The following SDK1 variants were observed in gnomAD, a reference collection of about 807,000 sequenced individuals.
SDK1 encodes sidekick cell adhesion molecule 1.
SDK1 carries 157 observed loss-of-function variants against 245.5 expected under a neutral mutation model. The observed-to-expected ratio is 0.64, with a 90% CI of 0.56 to 0.73. SDK1 has a LOEUF of 0.73. Ranked by LOEUF, SDK1 falls within the 30% of genes least tolerant of loss-of-function variation. The pLI is 0.00. For missense variants in SDK1, 3,583 were observed against 3,002.3 expected, an observed-to-expected ratio of 1.19 and a Z score of -4.52; for synonymous variants, 1,647 against 1,278.5, an observed-to-expected ratio of 1.29 and a Z score of -6.15.
intron 1 of SDK1, among the ~76,000 whole-genome samples, chr7:3,542,421 C>A (rs1779079096): frequency 6.6e-6 from 1 of 152,114 alleles, no homozygotes; most frequent in African/African-American, 2.4e-5. Context: ...GCTGGTGTGG[C>A]CTTTTCTCCC....
At chr7:4,088,940 T>C (rs1781603340) in intron 22 of SDK1, among the ~76,000 whole-genome samples, 1 of 147,538 alleles carries the variant, frequency 6.8e-6, no homozygotes, top group Admixed American at 6.7e-5. Flanking sequence ...GTGAGACCCT[T>C]GTGGGCATCT....
intron 11 of SDK1, among the ~76,000 whole-genome samples, chr7:3,969,881 G>T (rs952884184): frequency 6.6e-6 from 1 of 152,062 alleles, no homozygotes; most frequent in African/African-American, 2.4e-5. Flanking sequence ...AAAATCTTCC[G>T]CTTTTGCTAA....
intron 1 of SDK1, among the ~76,000 whole-genome samples, chr7:3,365,288 C>G (rs1199853059): frequency 2.6e-5 from 4 of 152,126 alleles, no homozygotes; most frequent in African/African-American, 9.7e-5. Flanking sequence ...CACTTTTCAT[C>G]TTGTGCTTTT....
rs1178326754 is a variant in SDK1, at chr7:4,233,245, C to T, written c.5828-10C>T. On this transcript the variant is annotated splice_polypyrimidine_tract_variant and intron_variant, in intron 40 of 44. Transcript: ENST00000404826. ...TAACCTCTGCTCTCGCCTCCCCATC[C>T]CTCTTGCAGATGAAGGCTTATGGGA... The T allele has an allele frequency of 2.5e-6, 4 of 1,609,280 alleles. No individual in the cohort carries two copies. The African/African-American group carries it at 5.3e-5, about 21-fold the overall frequency.
chr7:3,977,877 T>G (rs1454709053), intron 13 of SDK1, among the ~76,000 whole-genome samples: 1 of 152,248 alleles, frequency 6.6e-6, no homozygotes, highest in Non-Finnish European at 1.5e-5. Context: ...CATGAAGGAA[T>G]GAATGAATGT....
chr7:3,366,917 T>G lies in SDK1; in HGVS notation c.298+65033T>G, dbSNP rs113359190. Among the ~76,000 whole-genome samples, 906 of 152,038 alleles carry G rather than the reference T, an allele frequency of 6.0e-3. 10 individuals carry two copies. The highest frequency in any genetic ancestry group is 0.021 in the African/African-American group (871 of 41,502). ...CCACCATGCCCAGCTAATTTTTGTA[T>G]TTTTAGTAGAGACAGGGTTTTACCA... On this transcript the variant is annotated intron_variant, in intron 1 of 44. Transcript: ENST00000404826.
intron 1 of SDK1, among the ~76,000 whole-genome samples, chr7:3,363,728 G>C (rs187722577): frequency 6.6e-6 from 1 of 152,288 alleles, no homozygotes; most frequent in African/African-American, 2.4e-5. Flanking sequence ...GCTCCTATGA[G>C]AATCTAATGC....
intron 13 of SDK1, among the ~76,000 whole-genome samples, chr7:3,980,819 G>C (rs1049632731): frequency 3.3e-5 from 5 of 152,088 alleles, no homozygotes; most frequent in Non-Finnish European, 7.3e-5. Flanking sequence ...TTGGGCACCT[G>C]TAATCCCAGC....
chr7:4,241,078 A>T (rs1786488376), intron 42 of SDK1, among the ~76,000 whole-genome samples: 1 of 152,068 alleles, frequency 6.6e-6, no homozygotes, highest in Non-Finnish European at 1.5e-5. Context: ...TGATCTGTTA[A>T]TATATTTTAG....
chr7:3,419,143 A>G (rs1050454965), intron 1 of SDK1, among the ~76,000 whole-genome samples: 4 of 152,218 alleles, frequency 2.6e-5, no homozygotes, highest in Non-Finnish European at 4.4e-5. Context: ...TTCAAGGGTC[A>G]GACTGTATTA....
At chr7:3,702,928 C>G (rs1254606721) in intron 4 of SDK1, among the ~76,000 whole-genome samples, 1 of 152,104 alleles carries the variant, frequency 6.6e-6, no homozygotes, top group Non-Finnish European at 1.5e-5. Context: ...AAAGTAGTGA[C>G]AGTACCAAAT....
chr7:3,336,718 C>T (rs1402675561), intron 1 of SDK1, among the ~76,000 whole-genome samples: 1 of 152,114 alleles, frequency 6.6e-6, no homozygotes, highest in African/African-American at 2.4e-5. Context: ...CCTGTGGTAG[C>T]TTGGCCCAGA....
At position 3,363,540 on chromosome 7, in the gene SDK1, A is replaced by G. The variant is rs1312351609; in HGVS notation, c.298+61656A>G. 2.0e-5 allele frequency among the ~76,000 whole-genome samples: 3 copies of G among 151,890 alleles called. No homozygotes were observed. In the East Asian group the frequency reaches 5.8e-4, roughly 29 times the overall value. On this transcript the variant is annotated intron_variant, in intron 1 of 44. Transcript: ENST00000404826. ...TTGTTGTTTAAGACAGCGGCCCCCAACCTTTTTGGCACCAGGGACCGGTTT... is the reference window on the plus strand; with the variant it reads ...TTGTTGTTTAAGACAGCGGCCCCCAGCCTTTTTGGCACCAGGGACCGGTTT...
At chr7:3,321,624 G>A (rs548153145) in intron 1 of SDK1, among the ~76,000 whole-genome samples, 2 of 151,924 alleles carry the variant, frequency 1.3e-5, no homozygotes, top group South Asian at 4.2e-4. Context: ...TCATGTTTTC[G>A]CAAGTTTTTT....
chr7:3,666,146 A>G (rs1444130528), intron 4 of SDK1, among the ~76,000 whole-genome samples: 1 of 152,166 alleles, frequency 6.6e-6, no homozygotes, highest in Admixed American at 6.5e-5. Flanking sequence ...TGAAGGTGGC[A>G]TATGACACCC....
At chr7:3,958,162 C>A (rs960933494) in intron 7 of SDK1, 2 of 355,616 alleles carry the variant, frequency 5.6e-6, no homozygotes, top group East Asian at 1.7e-4. Flanking sequence ...AATTAATTAT[C>A]GCACAGAAAG....
chr7:3,690,178 G>A (rs1784405258), intron 4 of SDK1, among the ~76,000 whole-genome samples: 1 of 152,166 alleles, frequency 6.6e-6, no homozygotes, highest in Non-Finnish European at 1.5e-5. Context: ...GACTCTAGAT[G>A]CAGGGCGTCA....
intron 17 of SDK1, among the ~76,000 whole-genome samples, chr7:4,039,837 G>C (rs964287184): frequency 6.6e-6 from 1 of 152,118 alleles, no homozygotes; most frequent in Admixed American, 6.5e-5. Context: ...GGAAGGGGGT[G>C]GGGGAGAAGA....
At chr7:4,129,362 GTTGGGTGCCCTGGAATAGAGCAGCT>G (rs879845423) in intron 26 of SDK1, among the ~76,000 whole-genome samples, 23,491 of 144,540 alleles carry the variant, frequency 0.16, 4,725 homozygotes, top group East Asian at 0.39. Flanking sequence ...GCAGCTTGGG[GTTGGGTGCCCTGGAATAGAGCAGCT>G]TGGGGTGGGG....
Sources: gnomAD v4.1 joint callset for allele counts (sites outside exome capture counted in the v4.1 genomes callset) on GRCh38, gnomAD v4.1.1 for gene constraint, MANE v1.5 for transcripts, NCBI Gene and HGNC (gene_info 2026-07-23, HGNC 2026-07-21) for gene names.